ADGRL2: variants seen among roughly 807,000 people sequenced by gnomAD.
ADGRL2 encodes the protein calcium-independent alpha-latrotoxin receptor 2.
ADGRL2 carries 44 observed loss-of-function variants against 157.4 expected under a neutral mutation model. The ratio of observed to expected loss-of-function variants is 0.28; its 90% confidence interval spans 0.22 to 0.36. The LOEUF (loss-of-function observed/expected upper bound fraction) is 0.36. Ranked by LOEUF, ADGRL2 falls within the 10% of genes least tolerant of loss-of-function variation. ADGRL2 has a pLI of 1.00. For synonymous variants in ADGRL2, 585 were observed against 624.7 expected, an observed-to-expected ratio of 0.94 and a Z score of 0.95; for missense variants, 1,510 against 1,768.9, an observed-to-expected ratio of 0.85 and a Z score of 2.63.
chr1:81,600,725 T>C (rs1004867189), intron 3 of ADGRL2, among the ~76,000 whole-genome samples: 1 of 152,212 alleles, frequency 6.6e-6, no homozygotes, highest in Admixed American at 6.5e-5. Context: ...ATAAAATATA[T>C]TTGTTTGTTT....
intron 1 of ADGRL2, among the ~76,000 whole-genome samples, chr1:81,410,173 T>A (rs1159175095): frequency 1.3e-5 from 2 of 152,210 alleles, no homozygotes; most frequent in Non-Finnish European, 2.9e-5. Flanking sequence ...TTTCTTACAT[T>A]GGGATTTATT....
intron 2 of ADGRL2, among the ~76,000 whole-genome samples, chr1:81,462,885 C>T (rs1176362337): frequency 6.6e-6 from 1 of 151,854 alleles, no homozygotes; most frequent in African/African-American, 2.4e-5. Context: ...GAGGCCGAGG[C>T]GGGTGGATTG....
intron 1 of ADGRL2, among the ~76,000 whole-genome samples, chr1:81,441,848 C>A (rs72940937): frequency 0.024 from 3,603 of 151,930 alleles, 74 homozygotes; most frequent in African/African-American, 0.042. Flanking sequence ...TAGAATATTC[C>A]ATTTTTTTTG....
chr1:81,824,032 C>CA (rs1321124413), intron 1 of ADGRL2, among the ~76,000 whole-genome samples: 1 of 151,900 alleles, frequency 6.6e-6, no homozygotes, highest in East Asian at 1.9e-4. Context: ...ATCAGAATCA[C>CA]AAAGTGATAA....
chr1:81,474,750 G>C (rs1489895862), intron 2 of ADGRL2, among the ~76,000 whole-genome samples: 1 of 152,092 alleles, frequency 6.6e-6, no homozygotes, highest in Non-Finnish European at 1.5e-5. Flanking sequence ...TAGAGTTATT[G>C]AACATTTTTC....
At chr1:81,664,705 CTA>C (rs1270142155) in intron 3 of ADGRL2, among the ~76,000 whole-genome samples, 4 of 152,150 alleles carry the variant, frequency 2.6e-5, no homozygotes, top group African/African-American at 7.2e-5. Context: ...ATTTAAGAAA[CTA>C]TTTTTATTTT....
chr1:81,459,258 GT>G (rs769525601), intron 2 of ADGRL2, among the ~76,000 whole-genome samples: 4 of 152,116 alleles, frequency 2.6e-5, no homozygotes, highest in Non-Finnish European at 5.9e-5. Context: ...TGAAGGTCAG[GT>G]TTCACCAGGG....
intron 3 of ADGRL2, among the ~76,000 whole-genome samples, chr1:81,585,267 A>G (rs952830160): frequency 3.9e-5 from 6 of 152,126 alleles, no homozygotes; most frequent in Non-Finnish European, 8.8e-5. Context: ...ATTCATATAT[A>G]GTTATATGTA....
chr1:81,866,335 T>C (rs558780216), intron 2 of ADGRL2, among the ~76,000 whole-genome samples: 2 of 152,308 alleles, frequency 1.3e-5, no homozygotes, highest in South Asian at 4.1e-4. Context: ...TTAACAGTCT[T>C]AGTACCTGTA....
At chr1:81,439,160 C>T (rs2077462317) in intron 1 of ADGRL2, among the ~76,000 whole-genome samples, 1 of 152,186 alleles carries the variant, frequency 6.6e-6, no homozygotes, top group African/African-American at 2.4e-5. Flanking sequence ...GTGTTGTTAT[C>T]ACTGCCAAAT....
chr1:81,307,188 A>G (rs543991383), intron 1 of ADGRL2, among the ~76,000 whole-genome samples: 4 of 152,306 alleles, frequency 2.6e-5, no homozygotes, highest in African/African-American at 9.6e-5. Flanking sequence ...GCTTTAAAAA[A>G]CCTGAATGTT....
At chr1:81,875,581 T>A (rs548116521) in intron 2 of ADGRL2, among the ~76,000 whole-genome samples, 3 of 152,208 alleles carry the variant, frequency 2.0e-5, no homozygotes, top group South Asian at 2.1e-4. Context: ...AGATTCTTGA[T>A]GTACTTGTGT....
At chr1:81,696,678 G>C (rs1013190831), upstream of ADGRL2, among the ~76,000 whole-genome samples, 1 of 152,158 alleles carries the variant, frequency 6.6e-6, no homozygotes, top group Non-Finnish European at 1.5e-5. Flanking sequence ...CGTGAACCCG[G>C]GAGGCGGAGC....
At chr1:81,467,769 C>G (rs1426432770) in intron 2 of ADGRL2, among the ~76,000 whole-genome samples, 1 of 151,972 alleles carries the variant, frequency 6.6e-6, no homozygotes, top group Non-Finnish European at 1.5e-5. Flanking sequence ...TAGGAGGAGT[C>G]ATTAGGAATT....
chr1:81,685,150 T>C (rs2083203115), intron 3 of ADGRL2, among the ~76,000 whole-genome samples: 1 of 152,122 alleles, frequency 6.6e-6, no homozygotes, highest in Admixed American at 6.5e-5. Flanking sequence ...ATTTTAGAAT[T>C]GTTTTTTCTA....
In ADGRL2 at chr1:81,653,511, G is replaced by A. The variant is rs2148849917; in HGVS notation, c.-143+72531G>A. Among the ~76,000 whole-genome samples the A allele has an allele frequency of 1.3e-5, 2 of 152,210 alleles. 1 individual carries two copies. The highest frequency in any genetic ancestry group is 4.1e-4 in the South Asian group (2 of 4,822). ...GAAACAATAGATCATTTTCTTCAGT[G>A]AAATGTGTTTAGGCTGCTTCCCAAC... On this transcript the variant is annotated intron_variant, in intron 3 of 24. Coordinates refer to the ADGRL2 transcript ENST00000370721.
chr1:81,476,120 T>C (rs1321191177), intron 2 of ADGRL2, among the ~76,000 whole-genome samples: 1 of 148,936 alleles, frequency 6.7e-6, no homozygotes, highest in African/African-American at 2.5e-5. Context: ...CACTTAAATA[T>C]ATGGGTAGGA....
intron 1 of ADGRL2, among the ~76,000 whole-genome samples, chr1:81,405,632 A>C (rs74979389): frequency 3.1e-5 from 1 of 32,420 alleles, no homozygotes; most frequent in African/African-American, 1.4e-4. Flanking sequence ...CCTGAATGAC[A>C]AAAAAAAAAA....
intron 2 of ADGRL2, among the ~76,000 whole-genome samples, chr1:81,887,809 G>A (rs1006656307): frequency 6.6e-6 from 1 of 152,190 alleles, no homozygotes; most frequent in African/African-American, 2.4e-5. Flanking sequence ...TAATTGCTAT[G>A]TGTGATAATT....
Sources: gnomAD v4.1 joint callset for allele counts (sites outside exome capture counted in the v4.1 genomes callset) on GRCh38, gnomAD v4.1.1 for gene constraint, MANE v1.5 for transcripts, NCBI Gene and HGNC (gene_info 2026-07-23, HGNC 2026-07-21) for gene names.